SMAP2: variants seen among roughly 807,000 people sequenced by gnomAD.
The protein encoded by SMAP2 is stromal membrane-associated protein 2.
Under a neutral mutation model 56.4 loss-of-function variants are expected in SMAP2, and 25 were observed. That is an observed-to-expected ratio of 0.44 (90% CI 0.32 to 0.62). The LOEUF (loss-of-function observed/expected upper bound fraction) is 0.62. SMAP2 is among the 20% of genes least tolerant of loss of function. The probability of loss-of-function intolerance (pLI) is 0.04; values close to 1 mark genes in which losing one functional copy is unlikely to be tolerated. For synonymous variants in SMAP2, 157 were observed against 181.7 expected (o/e 0.86, Z 1.09); for missense variants, 388 against 545.6 (o/e 0.71, Z 2.88).
intron 1 of SMAP2, among the ~76,000 whole-genome samples, chr1:40,395,932 G>A (rs1644766794): frequency 6.6e-6 from 1 of 152,188 alleles, no homozygotes; most frequent in African/African-American, 2.4e-5. Flanking sequence ...GTACTTAGCA[G>A]TGTTCTACCT....
chr1:40,398,094 A>G lies in SMAP2; in HGVS notation c.104-8642A>G, dbSNP rs185949704. Reference sequence around the variant, plus strand: ...ACTGGTTTTTCCCATTGCAAAATTAATAGAAAGCTCATTGCAAACAATTCA... The same window carrying G: ...ACTGGTTTTTCCCATTGCAAAATTAGTAGAAAGCTCATTGCAAACAATTCA... On this transcript the variant is annotated intron_variant, in intron 1 of 9. Coordinates refer to ENST00000372718, the MANE Select transcript of SMAP2 (RefSeq NM_022733.3). 3.5e-3 allele frequency among the ~76,000 whole-genome samples: 526 copies of G among 152,338 alleles called. 2 individuals are homozygous for G. Among genetic ancestry groups the G allele is most frequent in the African/African-American group, 0.012 (488 of 41,572 alleles).
intron 1 of SMAP2, among the ~76,000 whole-genome samples, chr1:40,354,876 C>T (rs918711288): frequency 6.8e-5 from 10 of 147,050 alleles, no homozygotes; most frequent in Non-Finnish European, 7.5e-5. Flanking sequence ...CTCCACCTCC[C>T]GGGTTCAAGT....
chr1:40,377,194 G>T (rs1392278965), intron 1 of SMAP2, among the ~76,000 whole-genome samples: 3 of 152,206 alleles, frequency 2.0e-5, no homozygotes, highest in African/African-American at 7.2e-5. Flanking sequence ...GCTGAGGCAG[G>T]AGGATCACCT....
chr1:40,393,556 T>TC, intron 1 of SMAP2: 1 of 1,483,938 alleles, frequency 6.7e-7, no homozygotes, highest in Non-Finnish European at 9.0e-7. Context: ...TTTTTTTTTT[T>TC]TTTTTTTGTG....
At chr1:40,393,508 A>T in intron 1 of SMAP2, 1 of 1,512,664 alleles carries the variant, frequency 6.6e-7, no homozygotes, top group Non-Finnish European at 8.9e-7. Context: ...AGAGACTGTA[A>T]GTTGATCAAC....
rs553463118 is a variant in SMAP2, at chr1:40,408,837, A to G, written c.323+99A>G. ...CCTGTAATGTGACTGGGTCATCTCT[A>G]TGTGGATTAGTCAGTGTCCTTGCTT... On this transcript the variant is annotated intron_variant, in intron 3 of 9. Transcript: ENST00000372718. The surrounding 1 kb of genome is among the most constrained non-coding windows in gnomAD (Gnocchi z 4.3). The G allele has an allele frequency of 8.1e-4, 736 of 904,244 alleles. 12 individuals are homozygous for G. In the South Asian group the frequency reaches 0.01, roughly 12 times the overall value. The allele number at this position is 904,244 out of a possible 1,614,324, so 56.0% of individuals were successfully genotyped here. A position where few individuals can be genotyped will look rare whatever the true frequency, so the allele number is the denominator to read the frequency against.
intron 1 of SMAP2, among the ~76,000 whole-genome samples, chr1:40,359,945 A>G (rs1362663555): frequency 1.3e-5 from 2 of 149,654 alleles, no homozygotes; most frequent in African/African-American, 4.9e-5. Context: ...TTAACTTCGT[A>G]TTACAGAAAG....
intron 1 of SMAP2, chr1:40,396,714 T>C (rs1271485090): frequency 2.5e-6 from 1 of 403,750 alleles, no homozygotes; most frequent in African/African-American, 2.2e-5. Context: ...AAGTTACTGT[T>C]TATTGTTATT....
chr1:40,398,675 C>G (rs1046011453), intron 1 of SMAP2, among the ~76,000 whole-genome samples: 4 of 151,976 alleles, frequency 2.6e-5, no homozygotes, highest in Non-Finnish European at 2.9e-5. Flanking sequence ...TTACTTAGTT[C>G]TTTTGTTTTT....
chr1:40,387,344 A>AT (rs546317176), intron 1 of SMAP2, among the ~76,000 whole-genome samples: 25 of 152,230 alleles, frequency 1.6e-4, no homozygotes, highest in Middle Eastern at 3.4e-3. Flanking sequence ...TGAATTTTCA[A>AT]TTTTTTAACA....
chr1:40,362,126 A>G (rs1332842108), intron 1 of SMAP2, among the ~76,000 whole-genome samples: 1 of 152,106 alleles, frequency 6.6e-6, no homozygotes, highest in Admixed American at 6.5e-5. Context: ...GCTGTAGGAG[A>G]GGGCCACCAT....
At chr1:40,392,067 C>T (rs552207605) in intron 1 of SMAP2, among the ~76,000 whole-genome samples, 1 of 152,094 alleles carries the variant, frequency 6.6e-6, no homozygotes, top group African/African-American at 2.4e-5. Flanking sequence ...TGCACACCAA[C>T]TCCACCCAGC....
rs373887274 is a variant in SMAP2, at chr1:40,416,162, C to T, written c.682-14C>T. 172 of 1,611,320 alleles carry T rather than the reference C, an allele frequency of 1.1e-4. No individual in the cohort carries two copies. Among genetic ancestry groups the T allele is most frequent in the Non-Finnish European group, 1.3e-4 (153 of 1,178,690 alleles). On this transcript the variant is annotated splice_polypyrimidine_tract_variant and intron_variant, in intron 7 of 9. Transcript: ENST00000372718. ...GAACCATTTCAATTCTCCCCCCGCC[C>T]TCTTTGCCCTAAGGTTGTAGGTTCC... is the stretch of plus-strand genomic sequence containing the variant.
At chr1:40,399,229 C>T (rs1267055784) in intron 1 of SMAP2, among the ~76,000 whole-genome samples, 1 of 151,980 alleles carries the variant, frequency 6.6e-6, no homozygotes, top group Middle Eastern at 3.2e-3. Context: ...ACTGCAACCT[C>T]CGCCTCCTGG....
chr1:40,392,097 TG>T (rs1644722850), intron 1 of SMAP2, among the ~76,000 whole-genome samples: 2 of 151,968 alleles, frequency 1.3e-5, no homozygotes, highest in South Asian at 4.1e-4. Flanking sequence ...GCCATTGAAG[TG>T]GTGATTGAAA....
intron 1 of SMAP2, among the ~76,000 whole-genome samples, chr1:40,384,052 A>C (rs1421871039): frequency 2.0e-5 from 3 of 152,134 alleles, no homozygotes; most frequent in African/African-American, 7.2e-5. Context: ...GTGTACCTCC[A>C]TGCCCAGCTA....
intron 1 of SMAP2, among the ~76,000 whole-genome samples, chr1:40,391,794 G>T (rs1232458132): frequency 6.6e-6 from 1 of 152,048 alleles, no homozygotes; most frequent in Non-Finnish European, 1.5e-5. Context: ...TTTTTGTTTT[G>T]TTTTGTTTTG....
intron 1 of SMAP2, chr1:40,393,339 A>G: frequency 2.0e-6 from 3 of 1,529,262 alleles, no homozygotes; most frequent in Non-Finnish European, 2.6e-6. Context: ...CAACAACAGA[A>G]CAACCACAAA....
In SMAP2 at chr1:40,374,120, C is replaced by T; in HGVS notation, c.-1C>T. 1 of 1,611,322 alleles carries T rather than the reference C, an allele frequency of 6.2e-7. No individual in the cohort carries two copies. On this transcript the variant is annotated 5_prime_UTR_variant, in exon 1 of 10. Coordinates refer to ENST00000372718, the MANE Select transcript of SMAP2 (RefSeq NM_022733.3). This position sits in a 1 kb window ranked among gnomAD's most constrained non-coding sequence, Gnocchi z 5.9. ...CCTCTGCCCCCGCCGGCACCCTGGC[C>T]ATGACAGGCAAGTCGGTGAAGGACG...
Sources: gnomAD v4.1 joint callset for allele counts (sites outside exome capture counted in the v4.1 genomes callset) on GRCh38, gnomAD v4.1.1 for gene constraint, Gnocchi (gnomAD v3.1) non-coding constraint, MANE v1.5 for transcripts, NCBI Gene and HGNC (gene_info 2026-07-23, HGNC 2026-07-21) for gene names.